The following TRIM23 variants were observed in gnomAD, a reference collection of about 807,000 sequenced individuals.
TRIM23 encodes tripartite motif containing 23.
A neutral mutation model predicts 71.0 loss-of-function variants in TRIM23; 27 were observed. That is an observed-to-expected ratio of 0.38 (90% CI 0.28 to 0.52). The LOEUF is 0.52. Among genes scored for constraint, TRIM23 ranks in the 20% least tolerant of loss-of-function variants. TRIM23 has a pLI of 0.84. For synonymous variants in TRIM23, 234 were observed against 238.0 expected (o/e 0.98, Z 0.16); for missense variants, 482 against 692.3 (o/e 0.70, Z 3.41).
intron 10 of TRIM23, among the ~76,000 whole-genome samples, chr5:65,594,018 A>G (rs1026225037): frequency 6.6e-6 from 1 of 152,208 alleles, no homozygotes; most frequent in Admixed American, 6.5e-5. Context: ...CCTTTACAGC[A>G]TGGCCTTGTC....
At position 65,589,703 on chromosome 5, in the gene TRIM23, T is replaced by C. The variant is rs1031364309; in HGVS notation, c.*2066A>G. On this transcript the variant is annotated 3_prime_UTR_variant, in exon 11 of 11. Transcript: ENST00000231524. ...ACTTCTTAAAAATGATCTTAACATT[T>C]TATTGCTGTCTATACTTATCATATA... 6.6e-6 allele frequency: 1 copy of C among 152,362 alleles called. No individual in the cohort carries two copies. Among genetic ancestry groups the C allele is most frequent in the Admixed American group, 6.6e-5 (1 of 15,244 alleles). 9.4% of individuals were successfully genotyped at this position (152,362 alleles called of 1,614,324 possible). A position where few individuals can be genotyped will look rare whatever the true frequency, so the allele number is the denominator to read the frequency against.
At chr5:65,603,147 G>A (rs188448953) in intron 7 of TRIM23, among the ~76,000 whole-genome samples, 9 of 152,276 alleles carry the variant, frequency 5.9e-5, no homozygotes, top group South Asian at 2.1e-4. Flanking sequence ...ACCAGGGACC[G>A]ATGAGAGGGG....
At chr5:65,618,995 A>T (rs988160573) in intron 1 of TRIM23, among the ~76,000 whole-genome samples, 4 of 152,210 alleles carry the variant, frequency 2.6e-5, no homozygotes, top group Admixed American at 2.0e-4. Flanking sequence ...TAGTCAACAA[A>T]TTGTATTTAT....
At chr5:65,612,087 G>T (rs576225775) in intron 3 of TRIM23, among the ~76,000 whole-genome samples, 1 of 152,208 alleles carries the variant, frequency 6.6e-6, no homozygotes, top group African/African-American at 2.4e-5. Context: ...AAGATTAACT[G>T]GCCAATATAT....
rs767173667 is a variant in TRIM23, at chr5:65,597,081, C to T, written c.1279G>A (p.Asp427Asn). Reference protein sequence around the residue: ...KTTILFKLKQDEFMQPIPTIG... With the variant: ...KTTILFKLKQNEFMQPIPTIG... Reference sequence around the variant, plus strand: ...GTTGGAATGGGCTGCATGAATTCATCCTGTTTTAACTTAAACAAGATAGTA... The same window carrying T: ...GTTGGAATGGGCTGCATGAATTCATTCTGTTTTAACTTAAACAAGATAGTA... Residue 427 changes from aspartate to asparagine, a missense_variant, in exon 8 of 11, where the codon GAT becomes AAT. Physicochemically the swap from Asp to Asn is conservative, Grantham distance 23. This residue lies in a region of TRIM23 where 307 missense variants were observed against 495.8 expected (regional missense o/e 0.62). Transcript: ENST00000231524. 6.2e-7 allele frequency: 1 copy of T among 1,614,102 alleles called. No homozygotes were observed. The highest frequency in any genetic ancestry group is 8.5e-7 in the Non-Finnish European group (1 of 1,179,978).
chr5:65,620,173 G>A (rs757159104), intron 1 of TRIM23, among the ~76,000 whole-genome samples: 1 of 152,146 alleles, frequency 6.6e-6, no homozygotes, highest in Non-Finnish European at 1.5e-5. Context: ...CATTTTGTTA[G>A]TGAAGGTGTG....
At chr5:65,606,296 A>C (rs1754499584) in intron 6 of TRIM23, among the ~76,000 whole-genome samples, 1 of 151,994 alleles carries the variant, frequency 6.6e-6, no homozygotes, top group Non-Finnish European at 1.5e-5. Flanking sequence ...ATACAAAAAA[A>C]GTAGCTGGAT....
At chr5:65,612,638 G>C (rs1754683564) in intron 3 of TRIM23, among the ~76,000 whole-genome samples, 1 of 152,030 alleles carries the variant, frequency 6.6e-6, no homozygotes. Context: ...GGCCAACATG[G>C]GGAAAGTCCA....
intron 1 of TRIM23, among the ~76,000 whole-genome samples, chr5:65,619,563 T>G (rs908935519): frequency 4.8e-4 from 73 of 152,358 alleles, no homozygotes; most frequent in African/African-American, 4.8e-5. Flanking sequence ...ACAATTAACT[T>G]GGACTTAGTG....
chr5:65,594,269 A>C (rs978201746), intron 10 of TRIM23, among the ~76,000 whole-genome samples: 1 of 152,180 alleles, frequency 6.6e-6, no homozygotes, highest in East Asian at 1.9e-4. Flanking sequence ...GTTACTTATC[A>C]GTCTTCTTCG....
At position 65,611,042 on chromosome 5, in the gene TRIM23, T is replaced by C. The variant is rs368398179; in HGVS notation, c.647A>G (p.His216Arg). The C allele has an allele frequency of 6.2e-7, 1 of 1,605,022 alleles. No individual in the cohort carries two copies. The highest frequency in any genetic ancestry group is 8.5e-7 in the Non-Finnish European group (1 of 1,177,526). The change falls in exon 5 of 11, where the codon CAT becomes CGT. Residue 216 changes from histidine to arginine, a missense_variant and splice_region_variant. His to Arg is a conservative substitution (Grantham distance 29). Around this residue, in one of 2 missense-constraint regions of TRIM23, gnomAD observed 307 missense variants for 495.8 expected, o/e 0.62. Transcript: ENST00000231524. ...ATTAGCTTCTGGTTCCAATACTGAA[T>C]GCTATAAAATGTACCATAATTAGAG... ...KEYGKHQGHK[H>R]SVLEPEANQI...
At chr5:65,600,622 TAAAAAAAA>T (rs34809421) in intron 7 of TRIM23, among the ~76,000 whole-genome samples, 42 of 102,324 alleles carry the variant, frequency 4.1e-4, no homozygotes, top group African/African-American at 1.4e-3. Context: ...AAAAGCACAG[TAAAAAAAA>T]AAAAAAAAAA....
chr5:65,614,206 G>C lies in TRIM23; in HGVS notation c.258C>G (p.Val86=). ...RQVTDLGDSG[V]WGLKKNFALL... The stretch of plus-strand genomic sequence containing the variant: ...AAGCAAAATTTTTTTTCAATCCCCA[G>C]ACACCTGAATCACCTAGAATAAATA... The change falls in exon 3 of 11, where the codon GTC becomes GTG. Residue 86 remains valine, a synonymous_variant. Transcript: ENST00000231524. The C allele has an allele frequency of 6.2e-7, 1 of 1,613,116 alleles. No homozygotes were observed. The highest frequency in any genetic ancestry group is 1.3e-5 in the African/African-American group (1 of 74,902).
intron 7 of TRIM23, among the ~76,000 whole-genome samples, chr5:65,602,183 A>T (rs944316495): frequency 2.0e-5 from 3 of 152,080 alleles, no homozygotes; most frequent in African/African-American, 7.2e-5. Flanking sequence ...CCCTTATAAA[A>T]CTGAAGGCCT....
intron 2 of TRIM23, 128 bp from the exon 3 acceptor site, chr5:65,614,347 C>A: frequency 1.1e-6 from 1 of 912,554 alleles, no homozygotes; most frequent in Admixed American, 2.7e-5. Context: ...TTCAAATTTT[C>A]CCCATTTTTA....
At chr5:65,600,930 A>C (rs932668933) in intron 7 of TRIM23, among the ~76,000 whole-genome samples, 30 of 152,238 alleles carry the variant, frequency 2.0e-4, no homozygotes, top group Non-Finnish European at 1.5e-4. Context: ...ATGGATATCA[A>C]AACAAATAAG....
At chr5:65,609,208 AC>A in intron 6 of TRIM23, 34 bp downstream of exon 6, 1 of 1,602,872 alleles carries the variant, frequency 6.2e-7, no homozygotes, top group Non-Finnish European at 8.5e-7. Flanking sequence ...ACTTAAACTT[AC>A]AACTAAGTCC....
intron 7 of TRIM23, among the ~76,000 whole-genome samples, chr5:65,601,674 C>G (rs545147198): frequency 1.3e-5 from 2 of 152,256 alleles, no homozygotes; most frequent in South Asian, 2.1e-4. Flanking sequence ...CCCTCCAAAC[C>G]CTGCCCTTAC....
At chr5:65,607,706 AGT>A (rs1754544223) in intron 6 of TRIM23, among the ~76,000 whole-genome samples, 1 of 152,254 alleles carries the variant, frequency 6.6e-6, no homozygotes, top group Non-Finnish European at 1.5e-5. Context: ...TAAATATTTC[AGT>A]AACTATGAAC....
Sources: gnomAD v4.1 joint callset for allele counts (sites outside exome capture counted in the v4.1 genomes callset) on GRCh38, gnomAD v4.1.1 for gene constraint, gnomAD v4.1.1 regional missense constraint, MANE v1.5 for transcripts, NCBI Gene and HGNC (gene_info 2026-07-23, HGNC 2026-07-21) for gene names.